Variants in TRIML2 observed in about 807,000 individuals in gnomAD.
The protein encoded by TRIML2 is tripartite motif family like 2.
In TRIML2, 28 loss-of-function variants were observed where a neutral mutation model predicts 31.2. The ratio of observed to expected loss-of-function variants is 0.90; its 90% CI spans 0.66 to 1.23. The LOEUF (loss-of-function observed/expected upper bound fraction) is 1.23, where lower values mean the gene tolerates loss of function less well. TRIML2 is among the 50% of genes most tolerant of loss of function. TRIML2 has a pLI of 0.00. For synonymous variants in TRIML2, 187 were observed against 197.5 expected (o/e 0.95, Z 0.45); for missense variants, 536 against 528.3 (o/e 1.01, Z -0.14).
rs1230004714 is a variant in TRIML2 at position 188,099,159 on chromosome 4, C to T, written c.497G>A (p.Gly166Glu). 2 of 1,610,654 alleles carry T rather than the reference C, an allele frequency of 1.2e-6. No homozygotes were observed. Among genetic ancestry groups the T allele is most frequent in the African/African-American group, 1.3e-5 (1 of 74,730 alleles). ...QEMLQRLGRV[G>E]RENMEKLKES... ...CTTCAGTTTCTCCATGTTCTCTCTC[C>T]CCACACGGCCCAGTCTCTGCAGAAG... Residue 166 changes from glycine (G) to glutamate (E), a missense_variant, in exon 5 of 8, where the codon GGG becomes GAG. Transcript: ENST00000682553.
intron 7 of TRIML2, among the ~76,000 whole-genome samples, chr4:188,092,604 G>A (rs187304198): frequency 2.0e-5 from 3 of 152,268 alleles, no homozygotes; most frequent in Admixed American, 2.0e-4. Context: ...GCGGCCACAG[G>A]AGTCGGCCAG....
At chr4:188,096,991 A>G in intron 7 of TRIML2, 70 bp downstream of exon 7, 1 of 1,158,686 alleles carries the variant, frequency 8.6e-7, no homozygotes, top group Middle Eastern at 2.0e-4. Flanking sequence ...GTTTTCATTT[A>G]TGGCAGGATG....
chr4:188,099,451 C>A (rs1733675783), intron 4 of TRIML2, among the ~76,000 whole-genome samples: 1 of 151,988 alleles, frequency 6.6e-6, no homozygotes, highest in Non-Finnish European at 1.5e-5. Flanking sequence ...GTAATCCCAG[C>A]TACTCAGGAG....
In TRIML2 at chr4:188,096,010, C is replaced by A. The variant is rs185399894; in HGVS notation, c.745+1051G>T. On this transcript the variant is annotated intron_variant, in intron 7 of 7. Transcript: ENST00000682553. ...AAGCTATAAGGACAGGAGATATAAA[C>A]CCTTTGTTATACATGCTGAATTTCT... Among the ~76,000 whole-genome samples, 197 of 152,248 alleles carry A rather than the reference C, an allele frequency of 1.3e-3. 2 individuals are homozygous for A. Among genetic ancestry groups the A allele is most frequent in the African/African-American group, 4.5e-3 (186 of 41,564 alleles).
chr4:188,092,009 A>G, intron 7 of TRIML2, 68 bp from the exon 8 acceptor site: 1 of 1,500,904 alleles, frequency 6.7e-7, no homozygotes. Flanking sequence ...CATGATTTCT[A>G]ACACACCTGG....
chr4:188,091,630 A>T lies in TRIML2; in HGVS notation c.1057T>A (p.Trp353Arg). ...GSVMGTEWTL[W>R]VFPPLKRLFL... ...AGCCTTTTCAGAGGGGGGAAGACCC[A>T]GAGAGTCCACTCGGTCCCCATCACC... Residue 353 changes from tryptophan (W) to arginine (R), a missense_variant, in exon 8 of 8, where the codon TGG becomes AGG. Transcript: ENST00000682553. 1 of 1,614,140 alleles carries T rather than the reference A, an allele frequency of 6.2e-7. No individual in the cohort carries two copies.
At chr4:188,104,320 C>T (rs57608696) in intron 3 of TRIML2, among the ~76,000 whole-genome samples, 12,261 of 152,054 alleles carry the variant, frequency 0.081, 1,061 homozygotes, top group East Asian at 0.5. Context: ...CTTATTTGAT[C>T]GTTTTTTAAA....
rs1733261917 is a variant in TRIML2 at position 188,091,650 on chromosome 4, A to G, written c.1037T>C (p.Met346Thr). The G allele has an allele frequency of 1.2e-6, 2 of 1,613,844 alleles. No homozygotes were observed. Among genetic ancestry groups the G allele is most frequent in the East Asian group, 4.5e-5 (2 of 44,866 alleles). Residue 346 changes from methionine to threonine, a missense_variant, in exon 8 of 8, where the codon ATG becomes ACG. Physicochemically the swap from Met to Thr is moderately conservative, Grantham distance 81. Coordinates refer to ENST00000682553, the MANE Select transcript of TRIML2 (RefSeq NM_173553.4). ...GACCCAGAGAGTCCACTCGGTCCCC[A>G]TCACCGACCCCGTGAGCAAGACTTT... ...GEKVLLTGSV[M>T]GTEWTLWVFP...
At chr4:188,101,857 G>T (rs1025346042) in intron 3 of TRIML2, among the ~76,000 whole-genome samples, 58 of 152,106 alleles carry the variant, frequency 3.8e-4, no homozygotes, top group African/African-American at 1.3e-3. Flanking sequence ...TTGGCTGGGC[G>T]CGGTGGTTCA....
At chr4:188,100,670 T>C (rs1282617205) in intron 4 of TRIML2, among the ~76,000 whole-genome samples, 1 of 151,890 alleles carries the variant, frequency 6.6e-6, no homozygotes, top group African/African-American at 2.4e-5. Flanking sequence ...TGCAGTGAGC[T>C]GAGATTGCGC....
intron 3 of TRIML2, 78 bp downstream of exon 3, chr4:188,104,759 A>G: frequency 8.5e-7 from 1 of 1,179,792 alleles, no homozygotes; most frequent in Non-Finnish European, 1.3e-6. Context: ...TTGTCTTTTG[A>G]CTTTGTTTAT....
chr4:188,098,227 C>G (rs986037765), intron 5 of TRIML2: 13 of 454,882 alleles, frequency 2.9e-5, no homozygotes, highest in Non-Finnish European at 5.7e-5. Flanking sequence ...AGCTTCTGCA[C>G]AGCAGAAATT....
intron 1 of TRIML2, among the ~76,000 whole-genome samples, chr4:188,107,470 G>A (rs1397623972): frequency 3.3e-5 from 5 of 152,178 alleles, no homozygotes; most frequent in Admixed American, 3.3e-4. Flanking sequence ...ATCTTGGCCT[G>A]AAAAGGCATA....
chr4:188,091,564 C>G lies in TRIML2; in HGVS notation c.1123G>C (p.Asp375His), dbSNP rs1023599694. ...KKLDTVGVFL[D>H]CEHGQISFYN... The stretch of plus-strand genomic sequence containing the variant: ...AATGATATCTGCCCGTGTTCGCAGT[C>G]AAGGAAAACGCCAACTGTGTCCAAC... The change falls in exon 8 of 8, where the codon GAC (aspartate) becomes CAC (histidine). Residue 375 changes from aspartate to histidine, a missense_variant. By Grantham distance (81) the Asp-to-His change is moderately conservative (BLOSUM62 -1). Coordinates refer to ENST00000682553, the MANE Select transcript of TRIML2 (RefSeq NM_173553.4). 15 of 1,614,000 alleles carry G rather than the reference C, an allele frequency of 9.3e-6. No individual in the cohort carries two copies. The highest frequency in any genetic ancestry group is 1.2e-5 in the Non-Finnish European group (14 of 1,180,038).
chr4:188,096,935 G>A (rs1355538233), intron 7 of TRIML2, 126 bp downstream of exon 7: 2 of 732,384 alleles, frequency 2.7e-6, no homozygotes, highest in Admixed American at 4.6e-5. Flanking sequence ...GGGATTACAG[G>A]AGTGACCCAC....
At chr4:188,097,428 C>G (rs996279832) in intron 5 of TRIML2, 82 bp from the exon 6 acceptor site, 1 of 1,250,114 alleles carries the variant, frequency 8.0e-7, no homozygotes, top group Admixed American at 1.9e-5. Context: ...TATCCTCTTA[C>G]AATGAACTCA....
intron 7 of TRIML2, among the ~76,000 whole-genome samples, chr4:188,093,178 C>G (rs1383026029): frequency 6.6e-6 from 1 of 152,182 alleles, no homozygotes; most frequent in African/African-American, 2.4e-5. Context: ...TTATTTCCTA[C>G]TTTCTGTAAT....
In TRIML2 at chr4:188,105,359, T is replaced by C. The variant is rs1247254319; in HGVS notation, c.10A>G (p.Arg4Gly). The C allele has an allele frequency of 6.3e-7, 1 of 1,580,622 alleles. No homozygotes were observed. Among genetic ancestry groups the C allele is most frequent in the Non-Finnish European group, 8.6e-7 (1 of 1,159,734 alleles). The change falls in exon 2 of 8, where the codon AGG becomes GGG. Residue 4 changes from arginine (R) to glycine (G), a missense_variant. Arg to Gly is a moderately radical substitution (Grantham distance 125, BLOSUM62 -2). Coordinates refer to ENST00000682553, the MANE Select transcript of TRIML2 (RefSeq NM_173553.4). ...TTGTGCTGTAACTGAGGGCTGAGCC[T>C]TTTGGACATCCTGGTAGGGGTCCCT... MSK[R>G]LSPQLQHNIT... is the part of the protein sequence containing the mutation.
chr4:188,099,943 A>G (rs949343342), intron 4 of TRIML2, among the ~76,000 whole-genome samples: 1 of 120,672 alleles, frequency 8.3e-6, no homozygotes, highest in Non-Finnish European at 1.6e-5. Flanking sequence ...CTTTACATAT[A>G]CTGCGTAGTC....
Sources: gnomAD v4.1 joint callset for allele counts (sites outside exome capture counted in the v4.1 genomes callset) on GRCh38, gnomAD v4.1.1 for gene constraint, MANE v1.5 for transcripts, NCBI Gene and HGNC (gene_info 2026-07-23, HGNC 2026-07-21) for gene names.